ZBBX: variants seen among roughly 807,000 people sequenced by gnomAD.
ZBBX encodes zinc finger B-box domain-containing protein 1.
In ZBBX, 101 loss-of-function variants were observed where a neutral mutation model predicts 108.5. The observed-to-expected ratio is 0.93, with a 90% CI of 0.79 to 1.10. The LOEUF (loss-of-function observed/expected upper bound fraction) is 1.10, where lower values mean the gene tolerates loss of function less well. Among genes scored for constraint, ZBBX ranks in the 50% least tolerant of loss-of-function variants. ZBBX has a pLI of 0.00. For missense variants in ZBBX, 1,009 were observed against 941.4 expected, an observed-to-expected ratio of 1.07 and a Z score of -0.94; for synonymous variants, 356 against 323.4, an observed-to-expected ratio of 1.10 and a Z score of -1.08.
At chr3:167,337,789 CAATG>C in intron 9 of ZBBX, among the ~76,000 whole-genome samples, 1 of 151,986 alleles carries the variant, frequency 6.6e-6, no homozygotes, top group Middle Eastern at 3.4e-3. Context: ...TGAGTAACAA[CAATG>C]AATAAGAATA....
intron 20 of ZBBX, among the ~76,000 whole-genome samples, chr3:167,254,319 T>A (rs1723096595): frequency 6.6e-6 from 1 of 152,130 alleles, no homozygotes; most frequent in African/African-American, 2.4e-5. Context: ...GGACAAAACA[T>A]AGCTAGTGAA....
chr3:167,235,833 G>C (rs559200455), downstream of ZBBX, among the ~76,000 whole-genome samples: 1 of 151,530 alleles, frequency 6.6e-6, no homozygotes, highest in Non-Finnish European at 1.5e-5. Context: ...TCATAATCCT[G>C]TTTGCAACAT....
intron 9 of ZBBX, among the ~76,000 whole-genome samples, chr3:167,336,147 TTAAG>T (rs1227824553): frequency 1.3e-5 from 2 of 152,028 alleles, no homozygotes; most frequent in African/African-American, 2.4e-5. Flanking sequence ...ATATGTTTAT[TTAAG>T]TAACACAAAA....
chr3:167,223,313 C>A, the ZBBX span, among the ~76,000 whole-genome samples: 1 of 151,880 alleles, frequency 6.6e-6, no homozygotes, highest in Non-Finnish European at 1.5e-5. Flanking sequence ...CTTCTTAAAT[C>A]TAAAATTATC....
At chr3:167,366,061 G>A in intron 5 of ZBBX, 85 bp from the exon 6 acceptor site, 5 of 1,006,076 alleles carry the variant, frequency 5.0e-6, no homozygotes, top group Non-Finnish European at 7.1e-6. Context: ...TCCTGTTTCA[G>A]AAAATGGAAA....
At chr3:167,263,275 G>C (rs1484927428) in intron 20 of ZBBX, among the ~76,000 whole-genome samples, 1 of 152,082 alleles carries the variant, frequency 6.6e-6, no homozygotes, top group African/African-American at 2.4e-5. Context: ...ACAGGCATGA[G>C]CTATGGTGCC....
chr3:167,182,136 CT>C, the ZBBX span, among the ~76,000 whole-genome samples: 1 of 152,046 alleles, frequency 6.6e-6, no homozygotes, highest in Non-Finnish European at 1.5e-5. Flanking sequence ...TTTTTACAGT[CT>C]TTTTTAGTGT....
intron 9 of ZBBX, among the ~76,000 whole-genome samples, chr3:167,346,709 A>T (rs10936532): frequency 0.81 from 123,091 of 151,764 alleles, 49,958 homozygotes; most frequent in East Asian, 0.94. Context: ...AATAAAAAAC[A>T]AAAACCACTA....
At chr3:167,193,264 A>T in the ZBBX span, among the ~76,000 whole-genome samples, 2 of 152,164 alleles carry the variant, frequency 1.3e-5, no homozygotes, top group Admixed American at 1.3e-4. Flanking sequence ...ACATGTCCTG[A>T]ATGGGGGTGG....
the ZBBX span, among the ~76,000 whole-genome samples, chr3:167,211,365 C>G: frequency 1.3e-5 from 2 of 152,166 alleles, no homozygotes; most frequent in Non-Finnish European, 2.9e-5. Context: ...ATTCTGGAGA[C>G]AGATACTTGG....
intron 18 of ZBBX, among the ~76,000 whole-genome samples, chr3:167,291,095 A>T (rs1264199138): frequency 6.6e-6 from 1 of 152,166 alleles, no homozygotes; most frequent in East Asian, 1.9e-4. Context: ...TGTACCTCAA[A>T]GTGACGGGGA....
intron 9 of ZBBX, among the ~76,000 whole-genome samples, chr3:167,348,076 T>G (rs1344338537): frequency 6.6e-6 from 1 of 151,752 alleles, no homozygotes; most frequent in African/African-American, 2.4e-5. Context: ...TTACTATTTG[T>G]GGCTTACCAA....
intron 19 of ZBBX, among the ~76,000 whole-genome samples, chr3:167,284,954 A>G (rs1729449157): frequency 6.6e-6 from 1 of 151,992 alleles, no homozygotes; most frequent in East Asian, 1.9e-4. Context: ...TGAGGGGATC[A>G]TTCCATATTT....
At chr3:167,348,048 A>G (rs1036392612) in intron 9 of ZBBX, among the ~76,000 whole-genome samples, 1 of 151,942 alleles carries the variant, frequency 6.6e-6, no homozygotes, top group Admixed American at 6.6e-5. Context: ...GAGATTTATT[A>G]GGAACTTAAA....
intron 9 of ZBBX, among the ~76,000 whole-genome samples, chr3:167,337,984 G>A (rs577144699): frequency 6.6e-6 from 1 of 152,086 alleles, no homozygotes; most frequent in Non-Finnish European, 1.5e-5. Context: ...AATAGGAGCA[G>A]GAGGAGACTG....
intron 6 of ZBBX, among the ~76,000 whole-genome samples, chr3:167,362,599 AT>A (rs1303961761): frequency 6.6e-6 from 1 of 152,074 alleles, no homozygotes; most frequent in East Asian, 1.9e-4. Context: ...TTAAATAGTC[AT>A]TTATGTATCT....
the ZBBX span, among the ~76,000 whole-genome samples, chr3:167,233,048 A>C: frequency 1.3e-5 from 2 of 151,876 alleles, no homozygotes; most frequent in Middle Eastern, 3.4e-3. Context: ...TCTGCCCTAT[A>C]AACCTCCCTT....
In ZBBX at chr3:167,294,658, C is replaced by T. The variant is rs959416994; in HGVS notation, c.1879+3647G>A. Among the ~76,000 whole-genome samples the T allele has an allele frequency of 2.0e-5, 3 of 152,210 alleles. No homozygotes were observed. In the East Asian group the frequency reaches 5.8e-4, roughly 29 times the overall value. On this transcript the variant is annotated intron_variant, in intron 18 of 21. Coordinates refer to ENST00000675490, the MANE Select transcript of ZBBX (RefSeq NM_001199201.2). ...GGGCAAAGGCTTCATGACTAAAACA[C>T]GAAAAGCAATGGCAACAAAAGCCAA...
chr3:167,331,815 G>A (rs1260509240), intron 10 of ZBBX, among the ~76,000 whole-genome samples: 1 of 152,068 alleles, frequency 6.6e-6, no homozygotes. Flanking sequence ...AAACAGAAGA[G>A]CAAAAAAGCT....
Sources: gnomAD v4.1 joint callset for allele counts (sites outside exome capture counted in the v4.1 genomes callset) on GRCh38, gnomAD v4.1.1 for gene constraint, MANE v1.5 for transcripts, NCBI Gene and HGNC (gene_info 2026-07-23, HGNC 2026-07-21) for gene names.